Variants in C7orf33 observed in about 807,000 individuals in gnomAD.
C7orf33 encodes uncharacterized protein C7orf33.
Under a neutral mutation model 13.4 loss-of-function variants are expected in C7orf33, and 15 were observed. The ratio of observed to expected loss-of-function variants is 1.12; its 90% CI spans 0.75 to 1.72. C7orf33 has a LOEUF of 1.72. Among genes scored for constraint, C7orf33 ranks in the 40% most tolerant of loss-of-function variants. The probability of loss-of-function intolerance (pLI) is 0.00; values close to 1 mark genes in which losing one functional copy is unlikely to be tolerated. For missense variants in C7orf33, 187 were observed against 220.3 expected (o/e 0.85, Z 0.96); for synonymous variants, 73 against 83.2 (o/e 0.88, Z 0.67).
At chr7:148,604,449 A>G (rs1287428637) in intron 1 of C7orf33, among the ~76,000 whole-genome samples, 1 of 152,192 alleles carries the variant, frequency 6.6e-6, no homozygotes, top group Non-Finnish European at 1.5e-5. Flanking sequence ...TTCTAAGTGA[A>G]GTAACTCAGG....
intron 1 of C7orf33, among the ~76,000 whole-genome samples, chr7:148,602,492 G>A (rs936249933): frequency 6.6e-6 from 1 of 152,064 alleles, no homozygotes; most frequent in Admixed American, 6.6e-5. Flanking sequence ...AGCTACTCGG[G>A]GAGGCTGAGA....
Position 148,607,216 on chromosome 7 carries a change from G to A in C7orf33, c.205-6826G>A, listed in dbSNP as rs557287580. On this transcript the variant is annotated intron_variant, in intron 1 of 2. Transcript: ENST00000307003. ...AGTAACCGGCAGATAAAAGCGAGTT[G>A]GTAAAGCATGTTCAGGTAGATTCCT... Among the ~76,000 whole-genome samples the A allele has an allele frequency of 2.6e-4, 40 of 152,234 alleles. No homozygotes were observed. In the South Asian group the frequency reaches 6.6e-3, roughly 25 times the overall value.
At chr7:148,597,589 A>AT (rs1265710792) in intron 1 of C7orf33, among the ~76,000 whole-genome samples, 2 of 152,050 alleles carry the variant, frequency 1.3e-5, no homozygotes, top group Non-Finnish European at 2.9e-5. Flanking sequence ...GCCCAAAAAT[A>AT]TTTTTTAGAC....
chr7:148,602,790 G>A (rs962828490), intron 1 of C7orf33, among the ~76,000 whole-genome samples: 2 of 152,120 alleles, frequency 1.3e-5, no homozygotes, highest in African/African-American at 4.8e-5. Context: ...ATAATCTAAA[G>A]ATAAACTGTT....
chr7:148,592,553 C>T (rs1395305273), intron 1 of C7orf33, among the ~76,000 whole-genome samples: 31 of 147,746 alleles, frequency 2.1e-4, no homozygotes, highest in African/African-American at 6.9e-4. Flanking sequence ...CTAGCTCTGT[C>T]GCCCAGGCTG....
chr7:148,598,133 A>G (rs573017453), intron 1 of C7orf33, among the ~76,000 whole-genome samples: 2 of 152,272 alleles, frequency 1.3e-5, no homozygotes, highest in African/African-American at 2.4e-5. Context: ...TCAGCTTTAT[A>G]TCAGTGGTAT....
chr7:148,594,471 C>T (rs1243304738), intron 1 of C7orf33, among the ~76,000 whole-genome samples: 2 of 152,042 alleles, frequency 1.3e-5, no homozygotes, highest in African/African-American at 4.8e-5. Context: ...CCACCGCGCC[C>T]GACCAACCTC....
intron 1 of C7orf33, among the ~76,000 whole-genome samples, chr7:148,597,835 A>C (rs1363187939): frequency 6.6e-6 from 1 of 152,108 alleles, no homozygotes; most frequent in Non-Finnish European, 1.5e-5. Context: ...AGCTTACTGC[A>C]AGCTCCGCTT....
Position 148,592,103 on chromosome 7 carries a change from T to C in C7orf33, c.204+974T>C, listed in dbSNP as rs769571492. On this transcript the variant is annotated intron_variant, in intron 1 of 2. Coordinates refer to ENST00000307003, the MANE Select transcript of C7orf33 (RefSeq NM_145304.4). ...TTCTTCCCATTTGCCCACACCCTCA[T>C]TGTGGCACAGTGCCCCAAACTGACA... 3.2e-4 allele frequency among the ~76,000 whole-genome samples: 48 copies of C among 152,206 alleles called. 1 individual carries two copies. The highest frequency in any genetic ancestry group is 7.3e-5 in the Non-Finnish European group (5 of 68,028).
chr7:148,604,043 T>C (rs907645380), intron 1 of C7orf33, among the ~76,000 whole-genome samples: 4 of 151,774 alleles, frequency 2.6e-5, no homozygotes, highest in African/African-American at 7.3e-5. Flanking sequence ...ATGTATCCCA[T>C]GGAATACTAC....
chr7:148,606,215 T>A (rs1364506674), intron 1 of C7orf33, among the ~76,000 whole-genome samples: 1 of 152,236 alleles, frequency 6.6e-6, no homozygotes, highest in East Asian at 1.9e-4. Flanking sequence ...GTTACACTTT[T>A]CTTAGATTCA....
At position 148,612,203 on chromosome 7, in the gene C7orf33, AT is replaced by A. The variant is rs141795898; in HGVS notation, c.205-1829del. On this transcript the variant is annotated intron_variant, in intron 1 of 2. Coordinates refer to ENST00000307003, the MANE Select transcript of C7orf33 (RefSeq NM_145304.4). ...TGTAGTCAACTGAAGTTAGCCAGTG[AT>A]TTTTTTTTTAATTTCCATTGCTGTT... Among the ~76,000 whole-genome samples the A allele has an allele frequency of 1.1e-4, 16 of 150,656 alleles. No individual in the cohort carries two copies. In the Middle Eastern group the frequency reaches 0.01, roughly 97 times the overall value.
intron 1 of C7orf33, among the ~76,000 whole-genome samples, chr7:148,613,761 T>A (rs973278545): frequency 6.6e-6 from 1 of 152,192 alleles, no homozygotes; most frequent in Admixed American, 6.5e-5. Flanking sequence ...TTTCCTTGAA[T>A]ATACTGATAA....
At chr7:148,597,173 C>CATAT (rs553681954) in intron 1 of C7orf33, among the ~76,000 whole-genome samples, 1 of 150,266 alleles carries the variant, frequency 6.7e-6, no homozygotes, top group Non-Finnish European at 1.5e-5. Flanking sequence ...CATTTGGATA[C>CATAT]ATATATATAT....
At chr7:148,591,856 C>A (rs538195333) in intron 1 of C7orf33, among the ~76,000 whole-genome samples, 2 of 152,284 alleles carry the variant, frequency 1.3e-5, no homozygotes, top group East Asian at 1.9e-4. Flanking sequence ...GCCACCCATG[C>A]CCAGCAAGAC....
intron 1 of C7orf33, among the ~76,000 whole-genome samples, chr7:148,597,248 T>A (rs1448428246): frequency 6.6e-6 from 1 of 151,700 alleles, no homozygotes; most frequent in East Asian, 1.9e-4. Context: ...ATAATTAAAA[T>A]ATTTTCAAAA....
intron 1 of C7orf33, among the ~76,000 whole-genome samples, chr7:148,612,142 C>T (rs980365961): frequency 2.6e-5 from 4 of 152,236 alleles, no homozygotes; most frequent in African/African-American, 7.2e-5. Context: ...AATATTCCAC[C>T]TGCTTCTGGC....
At chr7:148,591,268 G>A (rs1195280362) in intron 1 of C7orf33, 139 bp downstream of exon 1, 3 of 730,356 alleles carry the variant, frequency 4.1e-6, no homozygotes, top group Non-Finnish European at 6.9e-6. Context: ...TTGAAGTAAA[G>A]AGAGAGACAG....
At chr7:148,599,055 G>A (rs1334042534) in intron 1 of C7orf33, among the ~76,000 whole-genome samples, 1 of 151,650 alleles carries the variant, frequency 6.6e-6, no homozygotes, top group Admixed American at 6.6e-5. Context: ...TAGAGATGGG[G>A]TTTCACCATG....
Sources: allele counts gnomAD v4.1 joint callset (sites outside exome capture counted in the v4.1 genomes callset), GRCh38; gene constraint gnomAD v4.1.1; transcripts MANE v1.5; gene names NCBI Gene and HGNC (gene_info 2026-07-23, HGNC 2026-07-21).